RAP1GDS1: variants seen among roughly 807,000 people sequenced by gnomAD.
RAP1GDS1 encodes the protein RAP1, GTP-GDP dissociation stimulator 1.
In RAP1GDS1, 35 loss-of-function variants were observed where a neutral mutation model predicts 71.1. That is an observed-to-expected ratio of 0.49 (90% CI 0.38 to 0.65). The LOEUF (loss-of-function observed/expected upper bound fraction) is 0.65. RAP1GDS1 is among the 30% of genes least tolerant of loss of function. The pLI is 0.00. For missense variants in RAP1GDS1, 663 were observed against 706.1 expected (o/e 0.94, Z 0.69); for synonymous variants, 229 against 243.1 (o/e 0.94, Z 0.54).
intron 2 of RAP1GDS1, among the ~76,000 whole-genome samples, chr4:98,310,553 C>T (rs1349168377): frequency 5.9e-5 from 9 of 152,054 alleles, no homozygotes; most frequent in Non-Finnish European, 1.2e-4. Context: ...TGATTGAATT[C>T]GTTCTTTAAA....
At chr4:98,417,023 A>T (rs547912427) in intron 8 of RAP1GDS1, 135 bp downstream of exon 8, 1 of 1,010,398 alleles carries the variant, frequency 9.9e-7, no homozygotes, top group Admixed American at 2.4e-5. Context: ...TGATTTTGAC[A>T]TCTTAAACAT....
chr4:98,283,176 T>A (rs1725433450), intron 1 of RAP1GDS1, among the ~76,000 whole-genome samples: 1 of 152,184 alleles, frequency 6.6e-6, no homozygotes, highest in Non-Finnish European at 1.5e-5. Flanking sequence ...CATTACAAAA[T>A]GCAAAACTTA....
intron 4 of RAP1GDS1, among the ~76,000 whole-genome samples, chr4:98,369,193 C>T (rs1240880307): frequency 1.3e-5 from 2 of 152,284 alleles, no homozygotes; most frequent in East Asian, 1.9e-4. Context: ...AACTGAGTCC[C>T]TCCCATGACA....
In RAP1GDS1 at chr4:98,294,222, G is replaced by GT. The variant is rs1262055996; in HGVS notation, c.112+713dup. Among the ~76,000 whole-genome samples the GT allele has an allele frequency of 3.9e-5, 6 of 151,916 alleles. No homozygotes were observed. The East Asian group carries it at 9.6e-4, about 24-fold the overall frequency. ...CTTAATTCTGCTTGGTTGTGCTGTG[G>GT]TTTTTTCTGTACTTGTTTTTAATTA... On this transcript the variant is annotated intron_variant, in intron 2 of 14. Transcript: ENST00000408927.
chr4:98,434,917 C>T (rs1214339287), intron 13 of RAP1GDS1, among the ~76,000 whole-genome samples: 6 of 152,012 alleles, frequency 3.9e-5, no homozygotes, highest in Non-Finnish European at 5.9e-5. Flanking sequence ...CCACCATGCC[C>T]GGCCCTAATA....
chr4:98,338,680 G>A (rs1238526450), intron 2 of RAP1GDS1, among the ~76,000 whole-genome samples: 2 of 152,088 alleles, frequency 1.3e-5, no homozygotes, highest in Non-Finnish European at 2.9e-5. Flanking sequence ...AACTTAAAAT[G>A]TTTTTTATTA....
At chr4:98,350,283 T>C (rs1736972676) in intron 3 of RAP1GDS1, among the ~76,000 whole-genome samples, 1 of 152,206 alleles carries the variant, frequency 6.6e-6, no homozygotes, top group East Asian at 1.9e-4. Context: ...TGAGTACAAA[T>C]CAGACCGTTC....
chr4:98,262,356 G>A (rs1354325696), intron 1 of RAP1GDS1, among the ~76,000 whole-genome samples: 1 of 152,172 alleles, frequency 6.6e-6, no homozygotes, highest in Non-Finnish European at 1.5e-5. Flanking sequence ...TGTCTAATCT[G>A]CATAATCTGA....
intron 7 of RAP1GDS1, among the ~76,000 whole-genome samples, chr4:98,415,248 G>A (rs1747772169): frequency 6.6e-6 from 1 of 152,214 alleles, no homozygotes; most frequent in African/African-American, 2.4e-5. Context: ...CTGTTATTCT[G>A]TTTGTTTTCA....
At chr4:98,276,482 C>T (rs1724216509) in intron 1 of RAP1GDS1, among the ~76,000 whole-genome samples, 1 of 150,214 alleles carries the variant, frequency 6.7e-6, no homozygotes. Context: ...TTTTTACATA[C>T]CCTTTTTTTT....
chr4:98,286,406 A>T (rs1315684217), intron 1 of RAP1GDS1, among the ~76,000 whole-genome samples: 1 of 152,024 alleles, frequency 6.6e-6, no homozygotes, highest in Admixed American at 6.6e-5. Flanking sequence ...CTTGAACTTT[A>T]TGAGAATAGG....
chr4:98,292,116 AT>A (rs570803697), intron 1 of RAP1GDS1, among the ~76,000 whole-genome samples: 3,186 of 144,144 alleles, frequency 0.022, 107 homozygotes, highest in Admixed American at 0.11. Context: ...CATTATGGAG[AT>A]TTTTTTTTTT....
At chr4:98,439,461 C>T (rs1578898158) in intron 14 of RAP1GDS1, among the ~76,000 whole-genome samples, 1 of 152,272 alleles carries the variant, frequency 6.6e-6, no homozygotes, top group South Asian at 2.1e-4. Context: ...ATGTCTTTTG[C>T]TAAATTTGAG....
Position 98,442,469 on chromosome 4 carries a change from C to G in RAP1GDS1, c.*352C>G. 1 of 235,544 alleles carries G rather than the reference C, an allele frequency of 4.2e-6. No homozygotes were observed. The allele number at this position is 235,544 out of a possible 1,614,324, so 14.6% of individuals were successfully genotyped here. On this transcript the variant is annotated 3_prime_UTR_variant, in exon 15 of 15. Coordinates refer to ENST00000408927, the MANE Select transcript of RAP1GDS1 (RefSeq NM_001100427.2). ...AACTACATAATGATGTACTGGTAAA[C>G]TAGAAACAAAGAATGCAGCAGGATC...
intron 2 of RAP1GDS1, among the ~76,000 whole-genome samples, chr4:98,294,686 C>T (rs151090913): frequency 6.6e-6 from 1 of 152,238 alleles, no homozygotes; most frequent in African/African-American, 2.4e-5. Context: ...TCCTTAGTCT[C>T]ACTTCTCAGT....
At position 98,420,093 on chromosome 4, in the gene RAP1GDS1, C is replaced by T. The variant is rs1400594427; in HGVS notation, c.1249C>T (p.Pro417Ser). ...GAAATTTCTTAAATCTGAAATGCCTCCTGTTCAGTTCAAACTTCTGGGAAC... is the reference window on the plus strand; with the variant it reads ...GAAATTTCTTAAATCTGAAATGCCTTCTGTTCAGTTCAAACTTCTGGGAAC... ...VLKFLKSEMP[P>S]VQFKLLGTLR... Residue 417 changes from proline (P) to serine (S), a missense_variant, in exon 11 of 15, where the codon CCT becomes TCT. Pro to Ser is a moderately conservative substitution (Grantham distance 74, BLOSUM62 -1). Transcript: ENST00000408927. The T allele has an allele frequency of 1.2e-6, 2 of 1,603,486 alleles. No individual in the cohort carries two copies. Among genetic ancestry groups the T allele is most frequent in the Non-Finnish European group, 1.7e-6 (2 of 1,174,474 alleles).
At chr4:98,263,464 G>A (rs1248491466) in intron 1 of RAP1GDS1, among the ~76,000 whole-genome samples, 1 of 152,068 alleles carries the variant, frequency 6.6e-6, no homozygotes, top group Non-Finnish European at 1.5e-5. Flanking sequence ...TTTAAAAAGG[G>A]CCAAATAGAA....
At chr4:98,323,094 C>T (rs1732251932) in intron 2 of RAP1GDS1, among the ~76,000 whole-genome samples, 1 of 151,106 alleles carries the variant, frequency 6.6e-6, no homozygotes, top group South Asian at 2.1e-4. Flanking sequence ...GGGGATATCA[C>T]CACCGATCCC....
At chr4:98,314,200 T>G (rs945510059) in intron 2 of RAP1GDS1, among the ~76,000 whole-genome samples, 1 of 152,178 alleles carries the variant, frequency 6.6e-6, no homozygotes, top group African/African-American at 2.4e-5. Flanking sequence ...CTGCAGTGAT[T>G]TCTGAAAGCT....
Sources: gnomAD v4.1 joint callset for allele counts (sites outside exome capture counted in the v4.1 genomes callset) on GRCh38, gnomAD v4.1.1 for gene constraint, MANE v1.5 for transcripts, NCBI Gene and HGNC (gene_info 2026-07-23, HGNC 2026-07-21) for gene names.